Variants in ZBTB20 observed in about 807,000 individuals in gnomAD.
The protein encoded by ZBTB20 is zinc finger and BTB domain-containing protein 20.
In ZBTB20, 9 loss-of-function variants were observed where a neutral mutation model predicts 56.9. The ratio of observed to expected loss-of-function variants is 0.16; its 90% CI spans 0.10 to 0.28. The LOEUF is 0.28. Among genes scored for constraint, ZBTB20 ranks in the 10% least tolerant of loss-of-function variants. The pLI is 1.00. For synonymous variants in ZBTB20, 417 were observed against 420.7 expected (o/e 0.99, Z 0.11); for missense variants, 655 against 1,003.0 (o/e 0.65, Z 4.69).
At chr3:114,745,020 T>A (rs1200034017) in intron 5 of ZBTB20, among the ~76,000 whole-genome samples, 1 of 152,126 alleles carries the variant, frequency 6.6e-6, no homozygotes, top group African/African-American at 2.4e-5. Flanking sequence ...TTGAAAAACA[T>A]CAGGGATAAA....
chr3:115,144,754 T>G (rs1160925764), intron 1 of ZBTB20: 1 of 152,218 alleles, frequency 6.6e-6, no homozygotes, highest in Non-Finnish European at 1.5e-5. Context: ...TGGAAATGGA[T>G]AAAATTTGAC....
chr3:114,399,469 G>GT (rs1336342083), intron 7 of ZBTB20, among the ~76,000 whole-genome samples: 1 of 152,084 alleles, frequency 6.6e-6, no homozygotes, highest in Non-Finnish European at 1.5e-5. Context: ...GTTAAAATTC[G>GT]TAACAGTGTA....
At chr3:114,607,482 T>C (rs1454265275) in intron 6 of ZBTB20, among the ~76,000 whole-genome samples, 4 of 152,054 alleles carry the variant, frequency 2.6e-5, no homozygotes, top group South Asian at 2.1e-4. Flanking sequence ...TTTGTATTTT[T>C]AGTAGAGACA....
intron 2 of ZBTB20, among the ~76,000 whole-genome samples, chr3:115,070,004 T>C (rs1421586952): frequency 6.6e-6 from 1 of 152,176 alleles, no homozygotes; most frequent in African/African-American, 2.4e-5. Flanking sequence ...CCCTTTGATG[T>C]AGGACCAATG....
chr3:114,566,838 C>A (rs2052816642), intron 6 of ZBTB20, among the ~76,000 whole-genome samples: 1 of 152,180 alleles, frequency 6.6e-6, no homozygotes, highest in African/African-American at 2.4e-5. Flanking sequence ...TTAGCAGAAT[C>A]TTCTTGGAAT....
At chr3:115,134,717 C>T (rs566979153) in intron 1 of ZBTB20, among the ~76,000 whole-genome samples, 103 of 152,218 alleles carry the variant, frequency 6.8e-4, no homozygotes, top group South Asian at 1.5e-3. Context: ...GCCAGTAGTC[C>T]TAGTTACCTG....
chr3:114,876,293 G>GA (rs59493938), intron 4 of ZBTB20: 131,495 of 151,672 alleles, frequency 0.87, 58,025 homozygotes, highest in East Asian at 0.99. Flanking sequence ...CTTTCCCCCT[G>GA]GTCCCTAAAG....
At chr3:114,462,003 T>C (rs2092353504) in intron 7 of ZBTB20, among the ~76,000 whole-genome samples, 1 of 152,210 alleles carries the variant, frequency 6.6e-6, no homozygotes, top group African/African-American at 2.4e-5. Flanking sequence ...CTTAGTCTAT[T>C]TGTCTCATCT....
intron 2 of ZBTB20, among the ~76,000 whole-genome samples, chr3:114,995,425 C>T (rs1270995734): frequency 6.6e-6 from 1 of 151,786 alleles, no homozygotes; most frequent in African/African-American, 2.4e-5. Flanking sequence ...TTCTAAATCC[C>T]AGGACATCTG....
intron 6 of ZBTB20, among the ~76,000 whole-genome samples, chr3:114,555,718 T>A (rs1273264790): frequency 1.3e-5 from 2 of 152,134 alleles, no homozygotes; most frequent in Non-Finnish European, 2.9e-5. Flanking sequence ...GCCTTATGAA[T>A]GCCACTGTGA....
At chr3:114,348,281 C>T (rs758120223) in intron 11 of ZBTB20, among the ~76,000 whole-genome samples, 7 of 152,182 alleles carry the variant, frequency 4.6e-5, no homozygotes, top group African/African-American at 9.7e-5. Context: ...GTCCTTCCTG[C>T]ACCCCTCCCC....
intron 5 of ZBTB20, among the ~76,000 whole-genome samples, chr3:114,753,084 C>CTCTA (rs2067689601): frequency 6.6e-6 from 1 of 151,622 alleles, no homozygotes; most frequent in East Asian, 1.9e-4. Context: ...TTACTGGTCT[C>CTCTA]TTCTCTGGAG....
chr3:114,608,150 A>G (rs1319755526), intron 6 of ZBTB20, among the ~76,000 whole-genome samples: 1 of 152,202 alleles, frequency 6.6e-6, no homozygotes, highest in African/African-American at 2.4e-5. Flanking sequence ...ATGCTTTAAA[A>G]AAACAAAAAC....
At chr3:114,772,631 T>C (rs371819969) in intron 5 of ZBTB20, among the ~76,000 whole-genome samples, 1 of 152,110 alleles carries the variant, frequency 6.6e-6, no homozygotes, top group Non-Finnish European at 1.5e-5. Context: ...AATCTACTAA[T>C]AGCATTTAGA....
intron 6 of ZBTB20, among the ~76,000 whole-genome samples, chr3:114,526,963 T>G (rs2047293788): frequency 6.6e-6 from 1 of 152,152 alleles, no homozygotes; most frequent in Non-Finnish European, 1.5e-5. Flanking sequence ...GGAAGAAGAC[T>G]TACTTTCTTT....
intron 6 of ZBTB20, among the ~76,000 whole-genome samples, chr3:114,510,993 CAAAAAAGAA>C (rs2045306650): frequency 7.3e-6 from 1 of 137,018 alleles, no homozygotes; most frequent in Non-Finnish European, 1.6e-5. Flanking sequence ...TCTAACTTTT[CAAAAAAGAA>C]AAAAAAAAGT....
In ZBTB20 at chr3:114,319,044, A is replaced by G. The variant is rs1344773983; in HGVS notation, c.*19961T>C. 6.6e-6 allele frequency: 1 copy of G among 152,200 alleles called. No individual in the cohort carries two copies. The highest frequency in any genetic ancestry group is 2.4e-5 in the African/African-American group (1 of 41,454). 9.4% of individuals were successfully genotyped at this position (152,200 alleles called of 1,614,324 possible). ...ACAAACTTCTTCTTGTAACAATTAC[A>G]AAAAACAACAATATAATCCCAACTT... On this transcript the variant is annotated 3_prime_UTR_variant, in exon 12 of 12. Coordinates refer to ENST00000675478, the MANE Select transcript of ZBTB20 (RefSeq NM_001348800.3).
At chr3:114,833,674 T>C (rs1471798317) in intron 4 of ZBTB20, among the ~76,000 whole-genome samples, 2 of 149,312 alleles carry the variant, frequency 1.3e-5, no homozygotes, top group Non-Finnish European at 3.0e-5. Flanking sequence ...GGACCACAGA[T>C]GCATACCACT....
intron 7 of ZBTB20, among the ~76,000 whole-genome samples, chr3:114,411,580 G>GA (rs1030086842): frequency 1.8e-4 from 28 of 152,122 alleles, no homozygotes; most frequent in Admixed American, 3.9e-4. Flanking sequence ...TATTCTGTTA[G>GA]AAAAAAACAC....
Sources: gnomAD v4.1 joint callset for allele counts (sites outside exome capture counted in the v4.1 genomes callset) on GRCh38, gnomAD v4.1.1 for gene constraint, MANE v1.5 for transcripts, NCBI Gene and HGNC (gene_info 2026-07-23, HGNC 2026-07-21) for gene names.